The following BMP6 variants were observed in gnomAD, a reference collection of about 807,000 sequenced individuals.
BMP6 encodes bone morphogenetic protein 6.
Under a neutral mutation model 54.1 loss-of-function variants are expected in BMP6, and 17 were observed. The observed-to-expected ratio is 0.31, with a 90% confidence interval of 0.22 to 0.47. The LOEUF (loss-of-function observed/expected upper bound fraction) is 0.47. Among genes scored for constraint, BMP6 ranks in the 20% least tolerant of loss-of-function variants. The pLI, the probability that BMP6 is intolerant of heterozygous loss-of-function variation, is 1.00. For synonymous variants in BMP6, 328 were observed against 291.2 expected (o/e 1.13, Z -1.28); for missense variants, 720 against 690.4 (o/e 1.04, Z -0.48).
chr6:7,734,252 A>AATGT (rs1761919022), intron 1 of BMP6, among the ~76,000 whole-genome samples: 1 of 152,212 alleles, frequency 6.6e-6, no homozygotes, highest in South Asian at 2.1e-4. Flanking sequence ...ATAACTGGTG[A>AATGT]ATGTATGTTC....
intron 2 of BMP6, among the ~76,000 whole-genome samples, chr6:7,852,569 C>T (rs1217895747): frequency 6.6e-6 from 1 of 152,128 alleles, no homozygotes; most frequent in Non-Finnish European, 1.5e-5. Flanking sequence ...AAAGCAAGAA[C>T]TTGTCTCAAA....
At chr6:7,769,374 G>T (rs1210702424) in intron 1 of BMP6, among the ~76,000 whole-genome samples, 4 of 152,164 alleles carry the variant, frequency 2.6e-5, no homozygotes, top group South Asian at 2.1e-4. Flanking sequence ...ATGCCTGGGG[G>T]GGTGGGAGTT....
intron 2 of BMP6, among the ~76,000 whole-genome samples, chr6:7,857,820 G>A (rs1397740347): frequency 6.6e-6 from 1 of 152,198 alleles, no homozygotes; most frequent in East Asian, 1.9e-4. Flanking sequence ...TGAGTTGTTG[G>A]AAGCTTTGAG....
chr6:7,850,262 C>A (rs1759123129), intron 2 of BMP6, among the ~76,000 whole-genome samples: 1 of 152,198 alleles, frequency 6.6e-6, no homozygotes, highest in South Asian at 2.1e-4. Context: ...CTTGCCTCAG[C>A]CTCCCGAGTA....
chr6:7,871,307 T>C (rs558312218), intron 4 of BMP6, among the ~76,000 whole-genome samples: 33 of 152,374 alleles, frequency 2.2e-4, no homozygotes, highest in African/African-American at 6.5e-4. Flanking sequence ...AAGCAGTTTA[T>C]TAAATGGGAC....
Position 7,819,102 on chromosome 6 carries a change from C to T in BMP6, c.665-26038C>T, listed in dbSNP as rs368211309. On this transcript the variant is annotated intron_variant, in intron 1 of 6. Transcript: ENST00000283147. ...TGTGAGATTTAGGCACACAGACAGG[C>T]GTGTGGTGTCTTTGTGTGTGAGTAC... 6.6e-5 allele frequency among the ~76,000 whole-genome samples: 10 copies of T among 152,076 alleles called. No individual in the cohort carries two copies. In the South Asian group the frequency reaches 1.5e-3, roughly 22 times the overall value.
intron 1 of BMP6, among the ~76,000 whole-genome samples, chr6:7,817,012 A>C (rs892391518): frequency 2.0e-5 from 3 of 152,244 alleles, no homozygotes; most frequent in Admixed American, 6.5e-5. Context: ...CAATAAACTC[A>C]GAAACAAAGG....
At chr6:7,729,105 A>G (rs1761803723) in intron 1 of BMP6, among the ~76,000 whole-genome samples, 1 of 152,148 alleles carries the variant, frequency 6.6e-6, no homozygotes, top group African/African-American at 2.4e-5. Context: ...TTCTGATTGG[A>G]CAAGAATTTT....
intron 1 of BMP6, among the ~76,000 whole-genome samples, chr6:7,841,318 A>C (rs1223158161): frequency 6.6e-6 from 1 of 152,202 alleles, no homozygotes; most frequent in African/African-American, 2.4e-5. Flanking sequence ...TAAAGTAGGT[A>C]CTGAGGGCTG....
chr6:7,739,561 A>G (rs1292898506), intron 1 of BMP6, among the ~76,000 whole-genome samples: 9 of 152,214 alleles, frequency 5.9e-5, no homozygotes, highest in Non-Finnish European at 8.8e-5. Context: ...GAACTAGTAG[A>G]TAGTAAGATA....
chr6:7,822,897 TTGTGTGTGTGTGTG>T (rs56161444), intron 1 of BMP6, among the ~76,000 whole-genome samples: 116 of 121,352 alleles, frequency 9.6e-4, no homozygotes, highest in Middle Eastern at 8.1e-3. Context: ...TTGGTGCTGG[TTGTGTGTGTGTGTG>T]TGTGTGTGTG....
At chr6:7,879,207 G>C in intron 5 of BMP6, 57 bp downstream of exon 5, 1 of 1,529,064 alleles carries the variant, frequency 6.5e-7, no homozygotes, top group East Asian at 2.2e-5. Flanking sequence ...ACTCTCATCT[G>C]AATGGTGGCA....
At position 7,727,300 on chromosome 6, in the gene BMP6, G is replaced by A; in HGVS notation, c.345G>A (p.Gln115=). The change falls in exon 1 of 7, where the codon CAG becomes CAA. Residue 115 remains glutamine (Q), a synonymous_variant. Transcript: ENST00000283147. ...PALRQQEEQQ[Q]QQQLPRGEPP... ...TCCGGCAGCAGGAGGAGCAGCAGCA[G>A]CAGCAGCAGCTGCCTCGCGGAGAGC... 1 of 1,607,730 alleles carries A rather than the reference G, an allele frequency of 6.2e-7. No homozygotes were observed. The highest frequency in any genetic ancestry group is 8.5e-7 in the Non-Finnish European group (1 of 1,177,910).
At position 7,845,062 on chromosome 6, in the gene BMP6, CG is replaced by C. The variant is rs1759039690; in HGVS notation, c.665-74del. The C allele has an allele frequency of 3.0e-6, 4 of 1,326,894 alleles. No homozygotes were observed. The South Asian group carries it at 5.5e-5, about 18-fold the overall frequency. The allele number at this position is 1,326,894 out of a possible 1,614,324, so 82.2% of individuals were successfully genotyped here. A position where few individuals can be genotyped will look rare whatever the true frequency, so the allele number is the denominator to read the frequency against. Reference sequence around the variant, plus strand: ...TTGGTAATCCACCTATGAAGTCAAACGGGGAAACTGGTGAGGTAAGCCCGTG... The same window carrying C: ...TTGGTAATCCACCTATGAAGTCAAACGGGAAACTGGTGAGGTAAGCCCGTG... On this transcript the variant is annotated intron_variant, in intron 1 of 6. Coordinates refer to ENST00000283147, the MANE Select transcript of BMP6 (RefSeq NM_001718.6).
In BMP6 at chr6:7,880,140, GC is replaced by G; in HGVS notation, c.1392+41del. 1.9e-6 allele frequency: 3 copies of G among 1,614,044 alleles called. No individual in the cohort carries two copies. The South Asian group carries it at 3.3e-5, about 18-fold the overall frequency. Reference sequence around the variant, plus strand: ...GACTTTGTTTTGTAAGTGGGAGTAAGCCAAGACCAGGTGTCATTTCTAAGGT... The same window carrying G: ...GACTTTGTTTTGTAAGTGGGAGTAAGCAAGACCAGGTGTCATTTCTAAGGT... On this transcript the variant is annotated intron_variant, in intron 6 of 6. Coordinates refer to ENST00000283147, the MANE Select transcript of BMP6 (RefSeq NM_001718.6).
Position 7,880,111 on chromosome 6 carries a change from C to T in BMP6, c.1392+10C>T, listed in dbSNP as rs765027412. Reference sequence around the variant, plus strand: ...GATTGTGCAGACCTTGGTGAGCTCTCGGAGACTTTGTTTTGTAAGTGGGAG... The same window carrying T: ...GATTGTGCAGACCTTGGTGAGCTCTTGGAGACTTTGTTTTGTAAGTGGGAG... On this transcript the variant is annotated intron_variant, in intron 6 of 6. Coordinates refer to ENST00000283147, the MANE Select transcript of BMP6 (RefSeq NM_001718.6). 39 of 1,614,052 alleles carry T rather than the reference C, an allele frequency of 2.4e-5. No individual in the cohort carries two copies. Among genetic ancestry groups the T allele is most frequent in the South Asian group, 2.0e-4 (18 of 91,080 alleles).
intron 1 of BMP6, among the ~76,000 whole-genome samples, chr6:7,746,348 A>C (rs1431698897): frequency 6.6e-6 from 1 of 152,166 alleles, no homozygotes; most frequent in African/African-American, 2.4e-5. Flanking sequence ...CTGTGGAATG[A>C]CTGATGTGTG....
intron 1 of BMP6, among the ~76,000 whole-genome samples, chr6:7,844,397 G>T (rs1759025920): frequency 1.4e-5 from 2 of 147,160 alleles, no homozygotes; most frequent in African/African-American, 2.5e-5. Flanking sequence ...GCTCTGCTCT[G>T]TTGGTGATTT....
chr6:7,768,836 G>T (rs928377628), intron 1 of BMP6, among the ~76,000 whole-genome samples: 2 of 152,076 alleles, frequency 1.3e-5, no homozygotes, highest in Non-Finnish European at 2.9e-5. Context: ...ACACTTTGTG[G>T]CTTTCTTGTT....
Sources: gnomAD v4.1 joint callset for allele counts (sites outside exome capture counted in the v4.1 genomes callset) on GRCh38, gnomAD v4.1.1 for gene constraint, MANE v1.5 for transcripts, NCBI Gene and HGNC (gene_info 2026-07-23, HGNC 2026-07-21) for gene names.